The following SLC52A2 variants were observed in gnomAD, a reference collection of about 807,000 sequenced individuals.
SLC52A2 encodes the protein solute carrier family 52 member 2, also known as solute carrier family 52, riboflavin transporter, member 2.
SLC52A2 carries 16 observed loss-of-function variants against 24.8 expected under a neutral mutation model. The ratio of observed to expected loss-of-function variants is 0.64; its 90% confidence interval spans 0.44 to 0.98. The LOEUF is 0.98. Among genes scored for constraint, SLC52A2 ranks in the 50% least tolerant of loss-of-function variants. The probability of loss-of-function intolerance (pLI) is 0.00; values close to 1 mark genes in which losing one functional copy is unlikely to be tolerated. For synonymous variants in SLC52A2, 335 were observed against 276.3 expected (o/e 1.21, Z -2.11); for missense variants, 612 against 575.9 (o/e 1.06, Z -0.64).
Position 144,359,249 on chromosome 8 carries a change from G to T in SLC52A2, c.-45G>T. On this transcript the variant is annotated 5_prime_UTR_variant, in exon 2 of 5. Coordinates refer to ENST00000643944, the MANE Select transcript of SLC52A2 (RefSeq NM_001363118.2). Reference sequence around the variant, plus strand: ...CTGGCCCTAGGTGGGAAAAGAACTGGCTGTGACCTTTGCCCTGACCTGGAA... The same window carrying T: ...CTGGCCCTAGGTGGGAAAAGAACTGTCTGTGACCTTTGCCCTGACCTGGAA... 6.3e-7 allele frequency: 1 copy of T among 1,577,382 alleles called. No individual in the cohort carries two copies. Among genetic ancestry groups the T allele is most frequent in the Non-Finnish European group, 8.6e-7 (1 of 1,163,192 alleles).
At position 144,361,125 on chromosome 8, in the gene SLC52A2, C is replaced by A; in HGVS notation, c.*110C>A. ...GCCCGCACACCGGTACACTCGTGGA[C>A]ACCTACACACTCCATAGGAGATCCT... On this transcript the variant is annotated 3_prime_UTR_variant, in exon 5 of 5. Coordinates refer to ENST00000643944, the MANE Select transcript of SLC52A2 (RefSeq NM_001363118.2). 1 of 1,102,118 alleles carries A rather than the reference C, an allele frequency of 9.1e-7. No homozygotes were observed. Among genetic ancestry groups the A allele is most frequent in the Non-Finnish European group, 1.3e-6 (1 of 750,856 alleles). The allele number at this position is 1,102,118 out of a possible 1,614,324, so 68.3% of individuals were successfully genotyped here.
In SLC52A2 at chr8:144,359,780, C is replaced by T. The variant is rs1554853902; in HGVS notation, c.288C>T (p.Ala96=). ...VLGMVGTALL[A]SLWHHVAPVA... Reference sequence around the variant, plus strand: ...GCATGGTGGGCACAGCCCTGCTGGCCTCTCTGTGGCACCATGTGGCCCCAG... The same window carrying T: ...GCATGGTGGGCACAGCCCTGCTGGCTTCTCTGTGGCACCATGTGGCCCCAG... The change falls in exon 3 of 5, where the codon GCC becomes GCT. Residue 96 remains alanine (A), a synonymous_variant. Coordinates refer to ENST00000643944, the MANE Select transcript of SLC52A2 (RefSeq NM_001363118.2). The T allele has an allele frequency of 6.2e-7, 1 of 1,613,682 alleles. No homozygotes were observed. The highest frequency in any genetic ancestry group is 1.1e-5 in the South Asian group (1 of 91,092).
Position 144,360,867 on chromosome 8 carries a change from T to A in SLC52A2, c.1190T>A (p.Leu397Gln), listed in dbSNP as rs1818840579. The part of the protein sequence containing the change: ...SYVKVAASSL[L>Q]HGGGRPALLA... Reference sequence around the variant, plus strand: ...GTGAAGGTGGCAGCCAGCTCCCTGCTGCATGGCGGGGGCCGGCCGGCATTG... The same window carrying A: ...GTGAAGGTGGCAGCCAGCTCCCTGCAGCATGGCGGGGGCCGGCCGGCATTG... The change falls in exon 5 of 5, where the codon CTG (leucine) becomes CAG (glutamine). Residue 397 changes from leucine to glutamine, a missense_variant. Coordinates refer to ENST00000643944, the MANE Select transcript of SLC52A2 (RefSeq NM_001363118.2). 8.1e-6 allele frequency: 13 copies of A among 1,613,264 alleles called. No individual in the cohort carries two copies. The highest frequency in any genetic ancestry group is 1.1e-5 in the Non-Finnish European group (13 of 1,179,898).
In SLC52A2 at chr8:144,360,020, C is replaced by T. The variant is rs782121875; in HGVS notation, c.528C>T (p.Pro176=). The change falls in exon 3 of 5, where the codon CCC becomes CCT. Residue 176 remains proline, a synonymous_variant. Coordinates refer to ENST00000643944, the MANE Select transcript of SLC52A2 (RefSeq NM_001363118.2). ...GCCGCCTCGAGTGCCCGCCAGCCCC[C>T]ATCAACGGCACCCCTGGCCCCCCGC... is the stretch of plus-strand genomic sequence containing the variant. The part of the protein sequence containing the change: ...GVGRLECPPA[P]INGTPGPPLD... The T allele has an allele frequency of 4.4e-5, 71 of 1,612,826 alleles. No individual in the cohort carries two copies. The highest frequency in any genetic ancestry group is 5.9e-5 in the Non-Finnish European group (70 of 1,180,012).
At position 144,360,798 on chromosome 8, in the gene SLC52A2, C is replaced by A. The variant is rs1554854547; in HGVS notation, c.1126-5C>A. On this transcript the variant is annotated splice_polypyrimidine_tract_variant and splice_region_variant and intron_variant, in intron 4 of 4. Coordinates refer to ENST00000643944, the MANE Select transcript of SLC52A2 (RefSeq NM_001363118.2). ...CACGCTCAGCTGGTGCTGTGTCCCCCTCAGGTGCTGTCGTGGGTGCTGTGT... is the reference window on the plus strand; with the variant it reads ...CACGCTCAGCTGGTGCTGTGTCCCCATCAGGTGCTGTCGTGGGTGCTGTGT... 8 of 1,612,078 alleles carry A rather than the reference C, an allele frequency of 5.0e-6. No individual in the cohort carries two copies. The highest frequency in any genetic ancestry group is 3.4e-6 in the Non-Finnish European group (4 of 1,179,046).
Position 144,360,176 on chromosome 8 carries a change from G to T in SLC52A2, c.684G>T (p.Glu228Asp). 6.2e-7 allele frequency: 1 copy of T among 1,612,886 alleles called. No homozygotes were observed. Among genetic ancestry groups the T allele is most frequent in the South Asian group, 1.1e-5 (1 of 91,088 alleles). The change falls in exon 3 of 5, where the codon GAG becomes GAT. Residue 228 changes from glutamate to aspartate, a missense_variant. Transcript: ENST00000643944. ...LPPPPSVPTG[E>D]LGSGLQVGAP... The stretch of plus-strand genomic sequence containing the variant: ...CACCACCATCTGTACCCACAGGGGA[G>T]TTAGGATCAGGCCTCCAGGTGGGAG...
chr8:144,359,094 C>G, intron 1 of SLC52A2, 29 bp downstream of exon 1: 1 of 758,244 alleles, frequency 1.3e-6, no homozygotes, highest in Non-Finnish European at 2.0e-6. Context: ...TCCCCATCTG[C>G]GCTCCTGCCC....
Position 144,360,889 on chromosome 8 carries a change from A to C in SLC52A2, c.1212A>C (p.Ala404=), listed in dbSNP as rs1554854608. 1 of 1,612,890 alleles carries C rather than the reference A, an allele frequency of 6.2e-7. No individual in the cohort carries two copies. The highest frequency in any genetic ancestry group is 1.3e-5 in the African/African-American group (1 of 74,912). The change falls in exon 5 of 5, where the codon GCA becomes GCC. Residue 404 remains alanine (A), a synonymous_variant. Transcript: ENST00000643944. ...TGCTGCATGGCGGGGGCCGGCCGGCATTGCTGGCAGCCGGCGTGGCCATCC... is the reference window on the plus strand; with the variant it reads ...TGCTGCATGGCGGGGGCCGGCCGGCCTTGCTGGCAGCCGGCGTGGCCATCC... ...SSLLHGGGRP[A]LLAAGVAIQV... is the part of the protein sequence containing the mutation.
chr8:144,361,093 C>T lies in SLC52A2; in HGVS notation c.*78C>T, dbSNP rs1554854698. 2 of 1,416,362 alleles carry T rather than the reference C, an allele frequency of 1.4e-6. No individual in the cohort carries two copies. Among genetic ancestry groups the T allele is most frequent in the Admixed American group, 1.7e-5 (1 of 57,756 alleles). The allele number at this position is 1,416,362 out of a possible 1,614,324, so 87.7% of individuals were successfully genotyped here. ...GCCACCATGCCTGAGTGCCTGCAGC[C>T]CAGGAGGCCCGCACACCGGTACACT... On this transcript the variant is annotated 3_prime_UTR_variant, in exon 5 of 5. Coordinates refer to ENST00000643944, the MANE Select transcript of SLC52A2 (RefSeq NM_001363118.2).
chr8:144,360,890 T>C lies in SLC52A2; in HGVS notation c.1213T>C (p.Leu405=). 6.2e-6 allele frequency: 10 copies of C among 1,613,038 alleles called. No homozygotes were observed. The highest frequency in any genetic ancestry group is 8.5e-6 in the Non-Finnish European group (10 of 1,179,900). ...GCTGCATGGCGGGGGCCGGCCGGCA[T>C]TGCTGGCAGCCGGCGTGGCCATCCA... ...SLLHGGGRPA[L]LAAGVAIQVG... The change falls in exon 5 of 5, where the codon TTG becomes CTG. Residue 405 remains leucine, a synonymous_variant. Transcript: ENST00000643944.
rs1324120200 is a variant in SLC52A2, at chr8:144,358,939, T to TGGC, written c.-235_-233dup. The TGGC allele has an allele frequency of 3.9e-6, 1 of 259,546 alleles. No homozygotes were observed. The highest frequency in any genetic ancestry group is 7.4e-6 in the Non-Finnish European group (1 of 135,836). 16.1% of individuals were successfully genotyped at this position (259,546 alleles called of 1,614,324 possible). A position where few individuals can be genotyped will look rare whatever the true frequency, so the allele number is the denominator to read the frequency against. On this transcript the variant is annotated 5_prime_UTR_variant, in exon 1 of 5. Coordinates refer to ENST00000643944, the MANE Select transcript of SLC52A2 (RefSeq NM_001363118.2). ...CCCGGCGTCCGGCTTGGGGTGGTGG[T>TGGC]GGCGTTGACTCCAGCCCCGCCTCTC... is the stretch of plus-strand genomic sequence containing the variant.
rs1175039425 is a variant in SLC52A2 at position 144,359,417 on chromosome 8, C to T, written c.124C>T (p.Pro42Ser). Residue 42 changes from proline to serine, a missense_variant, in exon 2 of 5, where the codon CCA becomes TCA. Pro to Ser is a moderately conservative substitution (Grantham distance 74). Transcript: ENST00000643944. ...VELPVVVKEL[P>S]EGWSLPSYVS... ...GCTACCTGTGGTGGTCAAAGAGCTT[C>T]CAGAGGGTGAGTGGGAGGGAGGTGC... 6.2e-7 allele frequency: 1 copy of T among 1,613,918 alleles called. No homozygotes were observed. Among genetic ancestry groups the T allele is most frequent in the Non-Finnish European group, 8.5e-7 (1 of 1,179,908 alleles).
In SLC52A2 at chr8:144,360,894, T is replaced by C. The variant is rs1554854615; in HGVS notation, c.1217T>C (p.Leu406Pro). The C allele has an allele frequency of 6.2e-7, 1 of 1,612,970 alleles. No homozygotes were observed. Among genetic ancestry groups the C allele is most frequent in the African/African-American group, 1.3e-5 (1 of 74,936 alleles). Residue 406 changes from leucine (L) to proline (P), a missense_variant, in exon 5 of 5, where the codon CTG becomes CCG. By Grantham distance (98) the Leu-to-Pro change is moderately conservative (BLOSUM62 -3). Coordinates refer to ENST00000643944, the MANE Select transcript of SLC52A2 (RefSeq NM_001363118.2). ...LLHGGGRPAL[L>P]AAGVAIQVGS... ...CATGGCGGGGGCCGGCCGGCATTGC[T>C]GGCAGCCGGCGTGGCCATCCAGGTG... is the stretch of plus-strand genomic sequence containing the variant.
rs1554854132 is a variant in SLC52A2, at chr8:144,360,178, T to C, written c.686T>C (p.Leu229Ser). 4.3e-6 allele frequency: 7 copies of C among 1,612,710 alleles called. No individual in the cohort carries two copies. The highest frequency in any genetic ancestry group is 2.5e-6 in the Non-Finnish European group (3 of 1,180,020). Residue 229 changes from leucine (L) to serine (S), a missense_variant, in exon 3 of 5, where the codon TTA (leucine) becomes TCA (serine). Transcript: ENST00000643944. ...PPPPSVPTGELGSGLQVGAPG... is the reference protein window; with the variant it reads ...PPPPSVPTGESGSGLQVGAPG... ...CCACCATCTGTACCCACAGGGGAGT[T>C]AGGATCAGGCCTCCAGGTGGGAGCC...
At position 144,360,677 on chromosome 8, in the gene SLC52A2, GC is replaced by G; in HGVS notation, c.1093del (p.Leu365TrpfsTer25). ...CGCTGGCAGTCCTGAGCCCCTGCCC[GC>G]CCCTGGTGGGCACCTCGGCGGGGGT... ...MALAVLSPCPPLVGTSAGVVL... is the reference protein window; with the variant it reads ...MALAVLSPCPXLVGTSAGVVL... On this transcript the variant is annotated frameshift_variant, in exon 4 of 5. Coordinates refer to ENST00000643944, the MANE Select transcript of SLC52A2 (RefSeq NM_001363118.2). LOFTEE classifies it low-confidence loss of function (END_TRUNC). 1 of 1,604,514 alleles carries G rather than the reference GC, an allele frequency of 6.2e-7. No individual in the cohort carries two copies. The highest frequency in any genetic ancestry group is 8.5e-7 in the Non-Finnish European group (1 of 1,178,838).
rs1554854401 is a variant in SLC52A2 at position 144,360,602 on chromosome 8, G to T, written c.1014G>T (p.Gly338=). 6.2e-7 allele frequency: 1 copy of T among 1,601,550 alleles called. No homozygotes were observed. The highest frequency in any genetic ancestry group is 1.1e-5 in the South Asian group (1 of 90,854). Residue 338 remains glycine, a synonymous_variant, in exon 4 of 5, where the codon GGG becomes GGT. Coordinates refer to ENST00000643944, the MANE Select transcript of SLC52A2 (RefSeq NM_001363118.2). ...AMGVLCRSLA[G]LGGLSLLGVF... ...TCGCTCACTGCAGGTCCTTGGCAGG[G>T]CTGGGCGGCCTCTCTCTGCTGGGCG... is the stretch of plus-strand genomic sequence containing the variant.
upstream of SLC52A2, chr8:144,358,605 C>T (rs1818593240): frequency 1.1e-6 from 1 of 947,840 alleles, no homozygotes; most frequent in African/African-American, 1.7e-5. Flanking sequence ...CCCGGAACCG[C>T]CACGGGTGAG....
chr8:144,359,792 C>T lies in SLC52A2; in HGVS notation c.300C>T (p.His100=), dbSNP rs938031048. 1 of 1,613,716 alleles carries T rather than the reference C, an allele frequency of 6.2e-7. No homozygotes were observed. Residue 100 remains histidine, a synonymous_variant, in exon 3 of 5, where the codon CAC becomes CAT. Coordinates refer to ENST00000643944, the MANE Select transcript of SLC52A2 (RefSeq NM_001363118.2). ...CAGCCCTGCTGGCCTCTCTGTGGCA[C>T]CATGTGGCCCCAGTGGCAGGACAGT... ...VGTALLASLW[H]HVAPVAGQLH...
chr8:144,360,721 C>A lies in SLC52A2; in HGVS notation c.1125+8C>A. ...GCGGGGGTGGTCCTCGTGGTGAGCA[C>A]AGGGGGACATGAAGTGGGGTGGGGG... On this transcript the variant is annotated splice_region_variant and intron_variant, in intron 4 of 4. Coordinates refer to ENST00000643944, the MANE Select transcript of SLC52A2 (RefSeq NM_001363118.2). 3 of 1,594,874 alleles carry A rather than the reference C, an allele frequency of 1.9e-6. No homozygotes were observed. Among genetic ancestry groups the A allele is most frequent in the Non-Finnish European group, 2.6e-6 (3 of 1,170,402 alleles).
Sources: gnomAD v4.1 joint callset for allele counts on GRCh38, gnomAD v4.1.1 for gene constraint, MANE v1.5 for transcripts, NCBI Gene and HGNC (gene_info 2026-07-23, HGNC 2026-07-21) for gene names.